The following ARHGAP6 variants were observed in gnomAD, a reference collection of about 807,000 sequenced individuals.
ARHGAP6 encodes rho GTPase-activating protein 6.
A neutral mutation model predicts 55.7 loss-of-function variants in ARHGAP6; 16 were observed. That is an observed-to-expected ratio of 0.29 (90% confidence interval 0.19 to 0.44). The LOEUF (loss-of-function observed/expected upper bound fraction) is 0.44, where lower values mean the gene tolerates loss of function less well. ARHGAP6 is among the 20% of genes least tolerant of loss of function. The pLI is 1.00. For missense variants in ARHGAP6, 698 were observed against 808.9 expected (o/e 0.86, Z 1.66); for synonymous variants, 382 against 360.9 (o/e 1.06, Z -0.66).
chrX:11,172,567 A>C (rs780238028), intron 8 of ARHGAP6, among the ~76,000 whole-genome samples: 1 of 111,955 alleles, frequency 8.9e-6, no homozygotes, highest in South Asian at 3.7e-4. Context: ...GTTTCATACG[A>C]GAACAATCTA....
chrX:11,209,126 C>T (rs976155942), intron 2 of ARHGAP6, among the ~76,000 whole-genome samples: 1 of 111,879 alleles, frequency 8.9e-6, no homozygotes, highest in African/African-American at 3.2e-5. Flanking sequence ...TATGTTTACT[C>T]TTACATGTTA....
chrX:11,178,205 T>C lies in ARHGAP6; in HGVS notation c.1524A>G (p.Ile508Met). 1 of 1,210,012 alleles carries C rather than the reference T, an allele frequency of 8.3e-7. No homozygotes were observed. Among genetic ancestry groups the C allele is most frequent in the East Asian group, 3.0e-5 (1 of 33,794 alleles). Reference sequence around the variant, plus strand: ...CGCAGTTGCAGGGAGGTAGAAGGTATATGAGGAGCTGCAAGGTGCCCAGCT... The same window carrying C: ...CGCAGTTGCAGGGAGGTAGAAGGTACATGAGGAGCTGCAAGGTGCCCAGCT... ...EEQLGTLQLLIYLLPPCNCDT... is the reference protein window; with the variant it reads ...EEQLGTLQLLMYLLPPCNCDT... Residue 508 changes from isoleucine to methionine, a missense_variant, in exon 8 of 13, where the codon ATA (isoleucine) becomes ATG (methionine). Transcript: ENST00000337414.
intron 1 of ARHGAP6, among the ~76,000 whole-genome samples, chrX:11,568,929 C>T (rs1369259469): frequency 9.0e-6 from 1 of 111,728 alleles, no homozygotes; most frequent in African/African-American, 3.3e-5. Flanking sequence ...CAAATGGAGG[C>T]TATGGCAAAA....
intron 1 of ARHGAP6, among the ~76,000 whole-genome samples, chrX:11,277,209 CTTCA>C (rs942986367): frequency 1.8e-5 from 2 of 111,978 alleles, no homozygotes; most frequent in African/African-American, 3.2e-5. Flanking sequence ...TGTGTCATTA[CTTCA>C]TTCATTCTTA....
At chrX:11,649,367 C>G (rs2052561638) in intron 1 of ARHGAP6, among the ~76,000 whole-genome samples, 1 of 112,131 alleles carries the variant, frequency 8.9e-6, no homozygotes, top group African/African-American at 3.2e-5. Context: ...TCCTGACCCA[C>G]AGAATCATGC....
chrX:11,528,241 T>C (rs1418308174), intron 1 of ARHGAP6, among the ~76,000 whole-genome samples: 1 of 112,243 alleles, frequency 8.9e-6, no homozygotes, highest in Non-Finnish European at 1.9e-5. Context: ...AAATTCAACT[T>C]AAACTACACT....
chrX:11,244,579 C>A (rs967563299), intron 2 of ARHGAP6, among the ~76,000 whole-genome samples: 1 of 112,107 alleles, frequency 8.9e-6, no homozygotes, highest in South Asian at 3.7e-4. Context: ...TAAATTTCAA[C>A]GTATACGTAT....
At chrX:11,655,986 C>T (rs1304754456) in intron 1 of ARHGAP6, among the ~76,000 whole-genome samples, 1 of 112,590 alleles carries the variant, frequency 8.9e-6, no homozygotes, top group East Asian at 2.8e-4. Context: ...ATGACATGTA[C>T]CAGAGTCAAG....
chrX:11,512,069 G>T (rs1480589725), intron 1 of ARHGAP6, among the ~76,000 whole-genome samples: 3 of 111,155 alleles, frequency 2.7e-5, no homozygotes, highest in African/African-American at 9.8e-5. Flanking sequence ...CTTGTGATCT[G>T]TCCGCCTTGG....
chrX:11,501,269 G>C (rs1215655300), intron 1 of ARHGAP6, among the ~76,000 whole-genome samples: 2 of 111,588 alleles, frequency 1.8e-5, no homozygotes, highest in Non-Finnish European at 3.8e-5. Context: ...TTCTCTCATA[G>C]CAAGATCCCA....
At chrX:11,459,406 T>C (rs973766337) in intron 1 of ARHGAP6, among the ~76,000 whole-genome samples, 1 of 111,574 alleles carries the variant, frequency 9.0e-6, no homozygotes, top group South Asian at 3.8e-4. Flanking sequence ...GACTCAAGTA[T>C]TGAGTGCCAA....
chrX:11,242,495 G>A (rs974595390), intron 2 of ARHGAP6, among the ~76,000 whole-genome samples: 2 of 111,539 alleles, frequency 1.8e-5, no homozygotes, highest in African/African-American at 6.5e-5. Context: ...GGGCAGCTCT[G>A]CTGCTGACTT....
At chrX:11,427,103 G>A (rs929189) in intron 1 of ARHGAP6, among the ~76,000 whole-genome samples, 4,412 of 111,084 alleles carry the variant, frequency 0.04, 182 homozygotes, top group African/African-American at 0.12. Flanking sequence ...CAACGCTCCC[G>A]GCAGCATTTC....
At chrX:11,528,431 G>T (rs929340904) in intron 1 of ARHGAP6, among the ~76,000 whole-genome samples, 34 of 111,894 alleles carry the variant, frequency 3.0e-4, no homozygotes. Context: ...GCATACTTCT[G>T]ATTTAGCCCA....
chrX:11,445,435 C>T (rs1435307100), intron 1 of ARHGAP6, among the ~76,000 whole-genome samples: 1 of 111,810 alleles, frequency 8.9e-6, no homozygotes, highest in Non-Finnish European at 1.9e-5. Context: ...TAATTACATC[C>T]AGATGACAGA....
At chrX:11,285,093 A>G (rs888434247) in intron 1 of ARHGAP6, among the ~76,000 whole-genome samples, 2 of 110,619 alleles carry the variant, frequency 1.8e-5, no homozygotes, top group Non-Finnish European at 1.9e-5. Context: ...GAGCTGATCC[A>G]TATCATGTTG....
At chrX:11,569,973 G>T (rs773049606) in intron 1 of ARHGAP6, among the ~76,000 whole-genome samples, 45 of 112,058 alleles carry the variant, frequency 4.0e-4, no homozygotes, top group African/African-American at 1.5e-3. Flanking sequence ...AGAGCAAAAA[G>T]ATCTAAAAAT....
chrX:11,215,701 G>T (rs1257883324), intron 2 of ARHGAP6, among the ~76,000 whole-genome samples: 1 of 112,864 alleles, frequency 8.9e-6, no homozygotes, highest in African/African-American at 3.2e-5. Context: ...TGGAGGCTCA[G>T]GTTACGGCCA....
chrX:11,575,331 TAA>T lies in ARHGAP6; in HGVS notation c.588+88908_588+88909del, dbSNP rs759611564. Among the ~76,000 whole-genome samples the T allele has an allele frequency of 1.0e-3, 117 of 111,997 alleles. 1 individual carries two copies. Among genetic ancestry groups the T allele is most frequent in the Admixed American group, 9.9e-3 (104 of 10,480 alleles). On this transcript the variant is annotated intron_variant, in intron 1 of 12. Transcript: ENST00000337414. ...ATGCAAACGAAAACTAAATTTGTGT[TAA>T]GTCGCAAAAATGTTCAGTTTGTTTT...
Sources: allele counts gnomAD v4.1 joint callset (sites outside exome capture counted in the v4.1 genomes callset), GRCh38; gene constraint gnomAD v4.1.1; transcripts MANE v1.5; gene names NCBI Gene and HGNC (gene_info 2026-07-23, HGNC 2026-07-21).